The following XKR4 variants were observed in gnomAD, a reference collection of about 807,000 sequenced individuals.
XKR4 encodes XK-related protein 4.
In XKR4, 12 loss-of-function variants were observed where a neutral mutation model predicts 53.9. The ratio of observed to expected loss-of-function variants is 0.22; its 90% CI spans 0.14 to 0.36. The LOEUF (loss-of-function observed/expected upper bound fraction) is 0.36. Ranked by LOEUF, XKR4 falls within the 10% of genes least tolerant of loss-of-function variation. The pLI is 1.00. For missense variants in XKR4, 799 were observed against 859.5 expected (o/e 0.93, Z 0.88); for synonymous variants, 354 against 362.4 (o/e 0.98, Z 0.26).
In XKR4 at chr8:55,469,567, C is replaced by T. The variant is rs114299968; in HGVS notation, c.1007-53714C>T. 3.2e-3 allele frequency among the ~76,000 whole-genome samples: 485 copies of T among 152,244 alleles called. 3 individuals carry two copies. Among genetic ancestry groups the T allele is most frequent in the African/African-American group, 0.011 (453 of 41,504 alleles). On this transcript the variant is annotated intron_variant, in intron 2 of 2. Transcript: ENST00000327381. Reference sequence around the variant, plus strand: ...GTAATCACTTTAAATCTGTATCCTACTTCCAAGAAACAATATTTTCATTGG... The same window carrying T: ...GTAATCACTTTAAATCTGTATCCTATTTCCAAGAAACAATATTTTCATTGG...
chr8:55,184,582 A>G (rs1817353185), intron 1 of XKR4, among the ~76,000 whole-genome samples: 1 of 152,174 alleles, frequency 6.6e-6, no homozygotes, highest in Admixed American at 6.6e-5. Context: ...TTTCATGTGT[A>G]TCTGCTCTGT....
At chr8:55,395,047 T>C (rs1184943897) in intron 2 of XKR4, among the ~76,000 whole-genome samples, 1 of 152,186 alleles carries the variant, frequency 6.6e-6, no homozygotes, top group African/African-American at 2.4e-5. Context: ...TGGAGTGCTA[T>C]AATTATAATG....
At chr8:55,261,396 T>G (rs1818523591) in intron 1 of XKR4, among the ~76,000 whole-genome samples, 1 of 152,240 alleles carries the variant, frequency 6.6e-6, no homozygotes, top group African/African-American at 2.4e-5. Context: ...TTTTCTAACA[T>G]CAGAAACACT....
At chr8:55,504,256 A>T (rs1244409483) in intron 2 of XKR4, among the ~76,000 whole-genome samples, 1 of 151,846 alleles carries the variant, frequency 6.6e-6, no homozygotes, top group African/African-American at 2.4e-5. Context: ...TCTGTCGCCC[A>T]GGCTGGAGTG....
chr8:55,496,412 C>G (rs1449807745), intron 2 of XKR4, among the ~76,000 whole-genome samples: 1 of 152,152 alleles, frequency 6.6e-6, no homozygotes, highest in Non-Finnish European at 1.5e-5. Context: ...TTGAGCCAAC[C>G]AGATACCTGG....
intron 1 of XKR4, among the ~76,000 whole-genome samples, chr8:55,281,743 T>A (rs1480222893): frequency 3.3e-5 from 5 of 152,238 alleles, no homozygotes; most frequent in African/African-American, 1.2e-4. Context: ...GGTCTTGACA[T>A]GTTCTGTCAA....
intron 2 of XKR4, among the ~76,000 whole-genome samples, chr8:55,381,920 C>A (rs571320889): frequency 6.6e-6 from 1 of 152,260 alleles, no homozygotes; most frequent in African/African-American, 2.4e-5. Flanking sequence ...GCACTGAGAT[C>A]CAGGAGGTTA....
chr8:55,495,363 T>C (rs1052760983), intron 2 of XKR4, among the ~76,000 whole-genome samples: 10 of 151,824 alleles, frequency 6.6e-5, no homozygotes, highest in African/African-American at 2.4e-4. Context: ...CCCAAGGAGC[T>C]CCCGCCCCAC....
At chr8:55,142,442 A>G in intron 1 of XKR4, 1 of 198,444 alleles carries the variant, frequency 5.0e-6, no homozygotes, top group South Asian at 1.0e-4. Context: ...TCCTCCTGAA[A>G]AGCAGGCCCC....
At chr8:55,436,818 T>G (rs1439089554) in intron 2 of XKR4, among the ~76,000 whole-genome samples, 1 of 152,212 alleles carries the variant, frequency 6.6e-6, no homozygotes, top group Non-Finnish European at 1.5e-5. Context: ...TTATGGACCT[T>G]TTGAGCTTCA....
At position 55,192,576 on chromosome 8, in the gene XKR4, C is replaced by T. The variant is rs144846614; in HGVS notation, c.806+89282C>T. Among the ~76,000 whole-genome samples the T allele has an allele frequency of 1.4e-3, 214 of 152,258 alleles. 2 individuals carry two copies. The highest frequency in any genetic ancestry group is 4.9e-3 in the African/African-American group (204 of 41,560). ...AGAGCCATGTGAATAACAGGAGACT[C>T]GGGTTATTGAGGCAGACCCTGAGGG... On this transcript the variant is annotated intron_variant, in intron 1 of 2. Coordinates refer to ENST00000327381, the MANE Select transcript of XKR4 (RefSeq NM_052898.2).
intron 1 of XKR4, among the ~76,000 whole-genome samples, chr8:55,265,984 AAAAT>A (rs1019245547): frequency 2.0e-5 from 3 of 151,306 alleles, no homozygotes; most frequent in Non-Finnish European, 2.9e-5. Flanking sequence ...TCCATCTCAA[AAAAT>A]AAATAAATAT....
intron 1 of XKR4, among the ~76,000 whole-genome samples, chr8:55,187,323 A>AAAG (rs1563478329): frequency 3.3e-5 from 5 of 151,548 alleles, no homozygotes; most frequent in Admixed American, 6.6e-5. Flanking sequence ...AAAAAAAAAA[A>AAAG]AAGAAGAAGA....
At chr8:55,437,964 A>AAAG (rs140525104) in intron 2 of XKR4, among the ~76,000 whole-genome samples, 24 of 113,272 alleles carry the variant, frequency 2.1e-4, no homozygotes, top group Middle Eastern at 4.7e-3. Flanking sequence ...CAAAAAAAAA[A>AAAG]AAGAAGAAGA....
At chr8:55,385,409 T>G (rs1804293737) in intron 2 of XKR4, among the ~76,000 whole-genome samples, 1 of 152,214 alleles carries the variant, frequency 6.6e-6, no homozygotes, top group Admixed American at 6.6e-5. Context: ...ACCTCCTTTC[T>G]GTGAAGCTGT....
chr8:55,433,247 A>G (rs1805127289), intron 2 of XKR4, among the ~76,000 whole-genome samples: 1 of 152,348 alleles, frequency 6.6e-6, no homozygotes, highest in Non-Finnish European at 1.5e-5. Context: ...TAGTTAACAA[A>G]CAAGCTGTGC....
At chr8:55,306,132 G>GA (rs1484586980) in intron 1 of XKR4, among the ~76,000 whole-genome samples, 1 of 152,012 alleles carries the variant, frequency 6.6e-6, no homozygotes, top group Non-Finnish European at 1.5e-5. Flanking sequence ...AAACAGAGAT[G>GA]AAAAAAACTG....
At chr8:55,299,417 C>T (rs2129376550) in intron 1 of XKR4, among the ~76,000 whole-genome samples, 1 of 152,246 alleles carries the variant, frequency 6.6e-6, no homozygotes, top group South Asian at 2.1e-4. Context: ...GGCAGGCCAG[C>T]CAGGGTCAGG....
chr8:55,407,842 A>G (rs1259502342), intron 2 of XKR4, among the ~76,000 whole-genome samples: 3 of 152,186 alleles, frequency 2.0e-5, no homozygotes, highest in Non-Finnish European at 4.4e-5. Context: ...TTGCTTTTAC[A>G]CTTTCAGAAG....
Sources: allele counts gnomAD v4.1 joint callset (sites outside exome capture counted in the v4.1 genomes callset), GRCh38; gene constraint gnomAD v4.1.1; transcripts MANE v1.5; gene names NCBI Gene and HGNC (gene_info 2026-07-23, HGNC 2026-07-21).